UBR3: variants seen among roughly 807,000 people sequenced by gnomAD.
UBR3 encodes ubiquitin protein ligase E3 component n-recognin 3.
A neutral mutation model predicts 243.2 loss-of-function variants in UBR3; 85 were observed. The ratio of observed to expected loss-of-function variants is 0.35; its 90% CI spans 0.29 to 0.42. The LOEUF is 0.42. Among genes scored for constraint, UBR3 ranks in the 10% least tolerant of loss-of-function variants. The pLI is 1.00. For synonymous variants in UBR3, 748 were observed against 799.8 expected (o/e 0.94, Z 1.09); for missense variants, 1,686 against 2,300.8 (o/e 0.73, Z 5.47).
intron 5 of UBR3, among the ~76,000 whole-genome samples, chr2:169,888,521 G>C (rs11688899): frequency 0.47 from 71,007 of 151,970 alleles, 18,520 homozygotes; most frequent in Non-Finnish European, 0.6. Context: ...GTATATACTC[G>C]TGTATTACTT....
chr2:169,867,671 A>G (rs1488734905), intron 1 of UBR3, among the ~76,000 whole-genome samples: 1 of 152,244 alleles, frequency 6.6e-6, no homozygotes, highest in Admixed American at 6.5e-5. Context: ...ACGAATTAGT[A>G]AAGGGAATCT....
intron 1 of UBR3, 54 bp downstream of exon 1, chr2:169,828,106 G>A (rs1195308399): frequency 4.5e-6 from 6 of 1,346,126 alleles, no homozygotes; most frequent in Non-Finnish European, 4.8e-6. Context: ...GACGTCGCGG[G>A]AGGGCCTGGA....
intron 10 of UBR3, among the ~76,000 whole-genome samples, chr2:169,907,926 C>T (rs2085083173): frequency 6.6e-6 from 1 of 152,100 alleles, no homozygotes; most frequent in African/African-American, 2.4e-5. Flanking sequence ...TGTGCACCAC[C>T]ATGCCTGGCT....
intron 24 of UBR3, among the ~76,000 whole-genome samples, chr2:169,963,513 C>A (rs749881765): frequency 6.6e-6 from 1 of 151,262 alleles, no homozygotes; most frequent in Non-Finnish European, 1.5e-5. Flanking sequence ...ATCTTTATTT[C>A]AGTAGGAGTT....
intron 27 of UBR3, among the ~76,000 whole-genome samples, chr2:170,004,411 G>C (rs1027173229): frequency 1.3e-5 from 2 of 152,278 alleles, no homozygotes; most frequent in African/African-American, 2.4e-5. Flanking sequence ...TTAGGAGAGA[G>C]ATGAGTAAAG....
chr2:169,905,385 T>C, intron 9 of UBR3, 92 bp downstream of exon 9: 1 of 937,484 alleles, frequency 1.1e-6, no homozygotes, highest in African/African-American at 1.7e-5. Flanking sequence ...AGCACATCAT[T>C]CACGCTACAC....
chr2:169,870,521 C>CTT lies in UBR3; in HGVS notation c.546-1707_546-1706dup, dbSNP rs1000473722. On this transcript the variant is annotated intron_variant, in intron 1 of 38. Transcript: ENST00000272793. The stretch of plus-strand genomic sequence containing the variant: ...TAAGGTCCAGTTCATTATCATTAAC[C>CTT]TTTTTTTTTCAGGCTTTAATAGTAT... 2.6e-5 allele frequency among the ~76,000 whole-genome samples: 4 copies of CTT among 151,000 alleles called. No homozygotes were observed. In the South Asian group the frequency reaches 8.4e-4, roughly 32 times the overall value.
intron 21 of UBR3, 43 bp downstream of exon 21, chr2:169,946,435 C>CT: frequency 8.8e-7 from 1 of 1,134,990 alleles, no homozygotes; most frequent in Non-Finnish European, 1.2e-6. Flanking sequence ...TAGGCAGCCC[C>CT]TATCTGGCTC....
At chr2:169,871,921 AG>A (rs1436542275) in intron 1 of UBR3, among the ~76,000 whole-genome samples, 1 of 152,102 alleles carries the variant, frequency 6.6e-6, no homozygotes, top group Non-Finnish European at 1.5e-5. Context: ...GGTTTAAAAG[AG>A]TGGAAGTCAT....
In UBR3 at chr2:170,001,329, T is replaced by C; in HGVS notation, c.3944T>C (p.Ile1315Thr). ...KDSSCLLAVS[I>T]GWEGGVYVQT... ...AGTTCATGTCTCTTGGCAGTATCAA[T>C]TGGCTGGGAAGGAGGTGTTTATGTA... Residue 1315 changes from isoleucine to threonine, a missense_variant, in exon 27 of 39, where the codon ATT becomes ACT. By Grantham distance (89) the Ile-to-Thr change is moderately conservative. Coordinates refer to ENST00000272793, the MANE Select transcript of UBR3 (RefSeq NM_172070.4). 3.1e-6 allele frequency: 5 copies of C among 1,613,340 alleles called. No individual in the cohort carries two copies. Among genetic ancestry groups the C allele is most frequent in the East Asian group, 2.2e-5 (1 of 44,828 alleles).
At chr2:169,912,148 T>C (rs1031372670) in intron 10 of UBR3, among the ~76,000 whole-genome samples, 1 of 152,184 alleles carries the variant, frequency 6.6e-6, no homozygotes, top group Non-Finnish European at 1.5e-5. Context: ...TGAGTTTAAC[T>C]CACGTGGATT....
At chr2:170,020,970 G>A (rs1049750503) in intron 30 of UBR3, among the ~76,000 whole-genome samples, 3 of 151,948 alleles carry the variant, frequency 2.0e-5, no homozygotes, top group Non-Finnish European at 4.4e-5. Context: ...TATTCCAATC[G>A]TTTGCACTGT....
chr2:170,062,851 T>A (rs2091481438), intron 35 of UBR3, among the ~76,000 whole-genome samples: 1 of 152,208 alleles, frequency 6.6e-6, no homozygotes, highest in Non-Finnish European at 1.5e-5. Flanking sequence ...TGTACAGTGA[T>A]GCCTGTAGTG....
intron 10 of UBR3, among the ~76,000 whole-genome samples, chr2:169,909,747 A>ATG (rs1027712092): frequency 4.0e-5 from 6 of 151,724 alleles, no homozygotes; most frequent in Middle Eastern, 6.8e-3. Context: ...GTGTGTATAT[A>ATG]TATATATATA....
chr2:169,947,759 T>G, intron 22 of UBR3, 44 bp downstream of exon 22: 1 of 1,381,676 alleles, frequency 7.2e-7, no homozygotes, highest in Non-Finnish European at 9.4e-7. Context: ...AGCTTTATGT[T>G]ATGTATGTTA....
Position 170,083,415 on chromosome 2 carries a change from T to C in UBR3, c.*1572T>C, listed in dbSNP as rs1268700240. 1 of 152,648 alleles carries C rather than the reference T, an allele frequency of 6.6e-6. No homozygotes were observed. Among genetic ancestry groups the C allele is most frequent in the East Asian group, 1.9e-4 (1 of 5,206 alleles). 9.5% of individuals were successfully genotyped at this position (152,648 alleles called of 1,614,324 possible). A position where few individuals can be genotyped will look rare whatever the true frequency, so the allele number is the denominator to read the frequency against. ...TAAGATAACTTTCTGTAAGAGTCAA[T>C]GATTCTGTTCGACTAAATAGCTGTC... On this transcript the variant is annotated 3_prime_UTR_variant, in exon 39 of 39. Transcript: ENST00000272793.
rs1335652271 is a variant in UBR3, at chr2:169,935,306, C to T, written c.2663+2298C>T. Among the ~76,000 whole-genome samples, 2 of 152,296 alleles carry T rather than the reference C, an allele frequency of 1.3e-5. 1 individual carries two copies. Among genetic ancestry groups the T allele is most frequent in the South Asian group, 4.1e-4 (2 of 4,824 alleles). ...TTACCCCCCTGAGTAGCTAGGACTA[C>T]AGGTGCACACCACCATGCCTGGCTA... On this transcript the variant is annotated intron_variant, in intron 19 of 38. Coordinates refer to ENST00000272793, the MANE Select transcript of UBR3 (RefSeq NM_172070.4).
chr2:169,961,503 T>G (rs928557107), intron 24 of UBR3, among the ~76,000 whole-genome samples: 17 of 152,140 alleles, frequency 1.1e-4, no homozygotes, highest in African/African-American at 3.9e-4. Context: ...TAATGCATGT[T>G]TGGTAGCTAA....
intron 1 of UBR3, among the ~76,000 whole-genome samples, chr2:169,866,113 T>C (rs185096344): frequency 8.2e-6 from 1 of 121,786 alleles, no homozygotes; most frequent in Non-Finnish European, 1.6e-5. Context: ...ATGGTGCCAC[T>C]GCACTCCAGC....
Sources: allele counts gnomAD v4.1 joint callset (sites outside exome capture counted in the v4.1 genomes callset), GRCh38; gene constraint gnomAD v4.1.1; transcripts MANE v1.5; gene names NCBI Gene and HGNC (gene_info 2026-07-23, HGNC 2026-07-21).